Variants in GNG7 observed in about 807,000 individuals in gnomAD.
The protein encoded by GNG7 is guanine nucleotide-binding protein G(I)/G(S)/G(O) subunit gamma-7.
Under a neutral mutation model 4.0 loss-of-function variants are expected in GNG7, and 1 was observed. The ratio of observed to expected loss-of-function variants is 0.25; its 90% CI spans 0.09 to 1.18. The LOEUF (loss-of-function observed/expected upper bound fraction) is 1.18, where lower values mean the gene tolerates loss of function less well. Among genes scored for constraint, GNG7 ranks in the 50% most tolerant of loss-of-function variants. The pLI is 0.50. For missense variants in GNG7, 86 were observed against 91.9 expected, an observed-to-expected ratio of 0.94 and a Z score of 0.26; for synonymous variants, 34 against 36.9, an observed-to-expected ratio of 0.92 and a Z score of 0.29.
At chr19:2,569,891 C>A (rs56963541) in intron 2 of GNG7, among the ~76,000 whole-genome samples, 5,376 of 152,256 alleles carry the variant, frequency 0.035, 141 homozygotes, top group African/African-American at 0.073. Flanking sequence ...CACACTAGAA[C>A]AACTGCGACA....
At chr19:2,551,628 T>G (rs182120633) in intron 3 of GNG7, among the ~76,000 whole-genome samples, 1 of 146,196 alleles carries the variant, frequency 6.8e-6, no homozygotes. Context: ...TTTATAAATA[T>G]ATAAAAACAC....
chr19:2,652,693 G>A (rs1191428669), intron 1 of GNG7, among the ~76,000 whole-genome samples: 1 of 152,104 alleles, frequency 6.6e-6, no homozygotes, highest in Non-Finnish European at 1.5e-5. Flanking sequence ...GGTAGAGGAG[G>A]GAAAGGAAGG....
chr19:2,615,463 T>A (rs1265076415), intron 2 of GNG7, among the ~76,000 whole-genome samples: 1 of 133,768 alleles, frequency 7.5e-6, no homozygotes, highest in African/African-American at 2.8e-5. Flanking sequence ...GGTTTTTTTT[T>A]TTTTTTTTTT....
intron 2 of GNG7, among the ~76,000 whole-genome samples, chr19:2,612,858 A>G (rs1981613949): frequency 6.6e-6 from 1 of 151,768 alleles, no homozygotes; most frequent in South Asian, 2.1e-4. Context: ...ACACCCGGCT[A>G]ATTTTGTATT....
At chr19:2,682,504 A>G (rs1017671479) in intron 1 of GNG7, among the ~76,000 whole-genome samples, 1 of 150,122 alleles carries the variant, frequency 6.7e-6, no homozygotes, top group African/African-American at 2.5e-5. Flanking sequence ...CTCTACTAGA[A>G]ATACAAAAAT....
chr19:2,620,949 C>T (rs962969217), intron 2 of GNG7, among the ~76,000 whole-genome samples: 2 of 152,100 alleles, frequency 1.3e-5, no homozygotes, highest in African/African-American at 2.4e-5. Flanking sequence ...AAAGGGGTGA[C>T]GTGGCCGCCT....
intron 1 of GNG7, among the ~76,000 whole-genome samples, chr19:2,672,827 A>T (rs1983489581): frequency 6.6e-6 from 1 of 152,174 alleles, no homozygotes; most frequent in South Asian, 2.1e-4. Context: ...GACCAATGTC[A>T]ACACCACCAG....
At chr19:2,607,907 A>G (rs1313010535) in intron 2 of GNG7, among the ~76,000 whole-genome samples, 7 of 151,504 alleles carry the variant, frequency 4.6e-5, no homozygotes, top group Non-Finnish European at 7.4e-5. Flanking sequence ...CGTTCAGGCG[A>G]CAGCGACACA....
chr19:2,693,290 C>G (rs914393499), intron 1 of GNG7, among the ~76,000 whole-genome samples: 10 of 151,370 alleles, frequency 6.6e-5, no homozygotes, highest in African/African-American at 1.9e-4. Context: ...GTGATCTCTG[C>G]CTGTATTCCC....
chr19:2,542,782 C>T (rs1568237239), intron 3 of GNG7, among the ~76,000 whole-genome samples: 3 of 151,926 alleles, frequency 2.0e-5, no homozygotes, highest in Non-Finnish European at 4.4e-5. Flanking sequence ...GCATGGGGTC[C>T]CACAGCCCAG....
chr19:2,558,230 GT>G (rs1349745835), intron 2 of GNG7, among the ~76,000 whole-genome samples: 1 of 111,968 alleles, frequency 8.9e-6, no homozygotes, highest in East Asian at 2.4e-4. Flanking sequence ...TGGGCACCGT[GT>G]TTTTTTGTTT....
At chr19:2,566,496 C>A (rs1345540191) in intron 2 of GNG7, among the ~76,000 whole-genome samples, 1 of 152,194 alleles carries the variant, frequency 6.6e-6, no homozygotes, top group African/African-American at 2.4e-5. Flanking sequence ...GAAACTCACA[C>A]AAAGCCCTAA....
At chr19:2,673,479 G>A (rs534498839) in intron 1 of GNG7, among the ~76,000 whole-genome samples, 1 of 151,990 alleles carries the variant, frequency 6.6e-6, no homozygotes, top group African/African-American at 2.4e-5. Context: ...GCTCACCTGA[G>A]GTCAGGAATT....
intron 3 of GNG7, among the ~76,000 whole-genome samples, chr19:2,542,881 CTTTT>C (rs60152060): frequency 8.4e-5 from 10 of 118,348 alleles, no homozygotes; most frequent in Non-Finnish European, 1.2e-4. Context: ...TGCTGTTTTC[CTTTT>C]TTTTTTTTTT....
intron 1 of GNG7, among the ~76,000 whole-genome samples, chr19:2,647,728 A>C (rs1982702681): frequency 6.6e-6 from 1 of 151,814 alleles, no homozygotes; most frequent in Admixed American, 6.6e-5. Context: ...AGAAAAAATA[A>C]AAATAAATGC....
chr19:2,554,269 C>G (rs1979478162), intron 3 of GNG7, among the ~76,000 whole-genome samples: 1 of 149,090 alleles, frequency 6.7e-6, no homozygotes, highest in African/African-American at 2.4e-5. Context: ...TCACAGTAGC[C>G]TCCACCTCCT....
In GNG7 at chr19:2,513,662, AACGTTTTGAGCGG is replaced by A; in HGVS notation, c.*1347_*1359del. On this transcript the variant is annotated 3_prime_UTR_variant, in exon 5 of 5. Transcript: ENST00000382159. Reference sequence around the variant, plus strand: ...AAAGATCGGGTTCGAGCGACAGGGTAACGTTTTGAGCGGACGTTTTGATCTCCGGGACAACGTC... The same window carrying A: ...AAAGATCGGGTTCGAGCGACAGGGTAACGTTTTGATCTCCGGGACAACGTC... The A allele has an allele frequency of 1.3e-6, 1 of 744,452 alleles. No homozygotes were observed. Among genetic ancestry groups the A allele is most frequent in the Non-Finnish European group, 1.6e-6 (1 of 610,106 alleles). 46.1% of individuals were successfully genotyped at this position (744,452 alleles called of 1,614,324 possible). A position where few individuals can be genotyped will look rare whatever the true frequency, so the allele number is the denominator to read the frequency against.
At chr19:2,545,909 C>T (rs1226223641) in intron 3 of GNG7, among the ~76,000 whole-genome samples, 3 of 151,948 alleles carry the variant, frequency 2.0e-5, no homozygotes, top group East Asian at 1.9e-4. Context: ...GAGCCAAAAT[C>T]GCGCCACTGC....
chr19:2,680,571 A>ATTTTTTTT (rs967188330), intron 1 of GNG7, among the ~76,000 whole-genome samples: 1 of 126,016 alleles, frequency 7.9e-6, no homozygotes, highest in Non-Finnish European at 1.7e-5. Context: ...AAAATTTACA[A>ATTTTTTTT]TTTTTTTTTT....
Sources: allele counts gnomAD v4.1 joint callset (sites outside exome capture counted in the v4.1 genomes callset), GRCh38; gene constraint gnomAD v4.1.1; transcripts MANE v1.5; gene names NCBI Gene and HGNC (gene_info 2026-07-23, HGNC 2026-07-21).